The following USP40 variants were observed in gnomAD, a reference collection of about 807,000 sequenced individuals.
USP40 encodes ubiquitin specific peptidase 40.
In USP40, 143 loss-of-function variants were observed where a neutral mutation model predicts 166.2. The ratio of observed to expected loss-of-function variants is 0.86; its 90% CI spans 0.75 to 0.99. The LOEUF is 0.99. USP40 is among the 50% of genes least tolerant of loss of function. The probability of loss-of-function intolerance (pLI) is 0.00; values close to 1 mark genes in which losing one functional copy is unlikely to be tolerated. For synonymous variants in USP40, 498 were observed against 524.0 expected (o/e 0.95, Z 0.68); for missense variants, 1,444 against 1,479.7 (o/e 0.98, Z 0.40).
intron 26 of USP40, 70 bp downstream of exon 26, chr2:233,491,097 A>G (rs2125067519): frequency 9.3e-7 from 1 of 1,079,962 alleles, no homozygotes; most frequent in East Asian, 2.6e-5. Flanking sequence ...AAGGAGATAG[A>G]AGAATATATT....
intron 11 of USP40, among the ~76,000 whole-genome samples, chr2:233,531,949 A>G (rs1055020072): frequency 6.6e-6 from 1 of 152,202 alleles, no homozygotes; most frequent in African/African-American, 2.4e-5. Flanking sequence ...TTTCACACCG[A>G]CTTCCTAGAA....
intron 9 of USP40, 22 bp downstream of exon 9, chr2:233,542,246 T>C (rs754886757): frequency 9.4e-6 from 13 of 1,387,766 alleles, no homozygotes; most frequent in Non-Finnish European, 1.3e-5. Flanking sequence ...TACATACAAA[T>C]ACATACACAC....
intron 31 of USP40, 42 bp downstream of exon 31, chr2:233,481,161 G>C: frequency 6.5e-7 from 1 of 1,528,648 alleles, no homozygotes; most frequent in Non-Finnish European, 8.9e-7. Flanking sequence ...GAGTCAGAGA[G>C]GGCTCTGTCA....
intron 23 of USP40, 33 bp from the exon 24 acceptor site, chr2:233,496,865 T>C: frequency 6.4e-7 from 1 of 1,565,918 alleles, no homozygotes; most frequent in Non-Finnish European, 8.8e-7. Flanking sequence ...TTGTCACTTA[T>C]GACTTCTGAA....
At chr2:233,492,355 T>C (rs2065403267) in intron 25 of USP40, among the ~76,000 whole-genome samples, 1 of 152,222 alleles carries the variant, frequency 6.6e-6, no homozygotes. Flanking sequence ...TGACGATGCA[T>C]TTCTCAAAAC....
At chr2:233,506,499 C>G (rs113264883) in intron 21 of USP40, among the ~76,000 whole-genome samples, 110 of 152,106 alleles carry the variant, frequency 7.2e-4, no homozygotes, top group Admixed American at 1.2e-3. Flanking sequence ...AGAACATAGA[C>G]AAATGGGATT....
chr2:233,483,262 G>C (rs1334970795), intron 30 of USP40, among the ~76,000 whole-genome samples: 2 of 152,188 alleles, frequency 1.3e-5, no homozygotes, highest in Non-Finnish European at 2.9e-5. Flanking sequence ...GGCTGAGGCA[G>C]GTGAACTGCC....
chr2:233,479,367 A>C lies in USP40; in HGVS notation c.3599+1836T>G, dbSNP rs147072799. The stretch of plus-strand genomic sequence containing the variant: ...ATCACAAGGTCAAGAGATTGAGACC[A>C]TCCTGGCCAACATGGTGAAACCTCG... On this transcript the variant is annotated intron_variant, in intron 31 of 31. Transcript: ENST00000678225. Among the ~76,000 whole-genome samples, 1,081 of 152,250 alleles carry C rather than the reference A, an allele frequency of 7.1e-3. 10 individuals are homozygous for C. Among genetic ancestry groups the C allele is most frequent in the African/African-American group, 0.024 (997 of 41,530 alleles).
At position 233,565,402 on chromosome 2, in the gene USP40, G is replaced by A. The variant is rs2072050399; in HGVS notation, c.153C>T (p.Tyr51=). The change falls in exon 2 of 32, where the codon TAC becomes TAT. Residue 51 remains tyrosine, a synonymous_variant. Coordinates refer to ENST00000678225, the MANE Select transcript of USP40 (RefSeq NM_001365479.2). ...GAAGAGTCTGAAGAAGGGAATTGAG[G>A]TAACAGGTTCCACCCTGATTTCTGA... The part of the protein sequence containing the change: ...SGIRNQGGTC[Y]LNSLLQTLHF... The A allele has an allele frequency of 2.0e-6, 3 of 1,537,116 alleles. No individual in the cohort carries two copies. The African/African-American group carries it at 4.1e-5, about 21-fold the overall frequency.
At chr2:233,528,294 A>G (rs2068215501) in intron 12 of USP40, among the ~76,000 whole-genome samples, 1 of 152,098 alleles carries the variant, frequency 6.6e-6, no homozygotes, top group Non-Finnish European at 1.5e-5. Context: ...AAATATTTGA[A>G]GCCAGTAGCA....
intron 16 of USP40, 127 bp downstream of exon 16, chr2:233,523,043 G>T: frequency 9.3e-7 from 1 of 1,075,976 alleles, no homozygotes; most frequent in South Asian, 1.7e-5. Flanking sequence ...GCAATATTTA[G>T]AACATAATGT....
intron 15 of USP40, among the ~76,000 whole-genome samples, chr2:233,524,254 C>T (rs183814659): frequency 7.7e-4 from 117 of 152,192 alleles, no homozygotes; most frequent in Admixed American, 1.3e-3. Flanking sequence ...CTCAGCCTCC[C>T]AAGTCACTGG....
rs888648465 is a variant in USP40 at position 233,557,758 on chromosome 2, G to A, written c.382-739C>T. Among the ~76,000 whole-genome samples, 17 of 152,124 alleles carry A rather than the reference G, an allele frequency of 1.1e-4. 1 individual carries two copies. The highest frequency in any genetic ancestry group is 9.2e-4 in the Admixed American group (14 of 15,278). On this transcript the variant is annotated intron_variant, in intron 4 of 31. Coordinates refer to ENST00000678225, the MANE Select transcript of USP40 (RefSeq NM_001365479.2). ...AGAAGTGTCTTCTGGACTTGGCACAGGGATGTCACTGTTGACTTCAACCAA... is the reference window on the plus strand; with the variant it reads ...AGAAGTGTCTTCTGGACTTGGCACAAGGATGTCACTGTTGACTTCAACCAA...
At chr2:233,554,333 T>C (rs1266986928) in intron 6 of USP40, 47 bp downstream of exon 6, 1 of 1,550,052 alleles carries the variant, frequency 6.5e-7, no homozygotes, top group African/African-American at 1.4e-5. Flanking sequence ...TGACTTGTAC[T>C]AACTACAAAG....
chr2:233,485,863 C>T lies in USP40; in HGVS notation c.3312G>A (p.Arg1104=), dbSNP rs1211480529. The T allele has an allele frequency of 3.8e-5, 61 of 1,608,620 alleles. No homozygotes were observed. Among genetic ancestry groups the T allele is most frequent in the Non-Finnish European group, 5.0e-5 (59 of 1,177,850 alleles). ...AAQGGTAGSL[R]QRVADFYRLP... Reference sequence around the variant, plus strand: ...GACGATAGAAATCGGCAACTCTCTGCCTCAGGGAGCCGGCAGTCCCACCCT... The same window carrying T: ...GACGATAGAAATCGGCAACTCTCTGTCTCAGGGAGCCGGCAGTCCCACCCT... Residue 1104 remains arginine (R), a synonymous_variant, in exon 29 of 32, where the codon AGG becomes AGA. Coordinates refer to ENST00000678225, the MANE Select transcript of USP40 (RefSeq NM_001365479.2).
intron 4 of USP40, 95 bp from the exon 5 acceptor site, chr2:233,557,114 T>C: frequency 8.9e-7 from 1 of 1,127,962 alleles, no homozygotes; most frequent in African/African-American, 1.6e-5. Context: ...TCAAGATTTA[T>C]CAAGCAATCT....
chr2:233,528,053 A>G (rs2068187273), intron 12 of USP40, among the ~76,000 whole-genome samples: 2 of 150,268 alleles, frequency 1.3e-5, no homozygotes, highest in Non-Finnish European at 2.9e-5. Context: ...ATCTTGGCTC[A>G]CTACAACCTC....
chr2:233,494,250 T>C (rs1275947172), intron 24 of USP40, among the ~76,000 whole-genome samples: 1 of 151,074 alleles, frequency 6.6e-6, no homozygotes, highest in Non-Finnish European at 1.5e-5. Flanking sequence ...TAAATAAATG[T>C]AAATCAGAAC....
In USP40 at chr2:233,480,304, A is replaced by G. The variant is rs1342726120; in HGVS notation, c.3599+899T>C. ...AGGGAAAGATGAAATCCACCAGGGC[A>G]GAAGCAGTCAGAATAGGACAAAAGG... On this transcript the variant is annotated intron_variant, in intron 31 of 31. Transcript: ENST00000678225. This position sits in a 1 kb window ranked among gnomAD's most constrained non-coding sequence, Gnocchi z 4.5. Among the ~76,000 whole-genome samples, 1 of 152,240 alleles carries G rather than the reference A, an allele frequency of 6.6e-6. No homozygotes were observed. The highest frequency in any genetic ancestry group is 1.5e-5 in the Non-Finnish European group (1 of 68,042).
Sources: gnomAD v4.1 joint callset for allele counts (sites outside exome capture counted in the v4.1 genomes callset) on GRCh38, gnomAD v4.1.1 for gene constraint, Gnocchi (gnomAD v3.1) non-coding constraint, MANE v1.5 for transcripts, NCBI Gene and HGNC (gene_info 2026-07-23, HGNC 2026-07-21) for gene names.